CADPS: variants seen among roughly 807,000 people sequenced by gnomAD.
CADPS encodes the protein calcium-dependent secretion activator 1.
Under a neutral mutation model 167.3 loss-of-function variants are expected in CADPS, and 57 were observed. That is an observed-to-expected ratio of 0.34 (90% CI 0.28 to 0.42). CADPS has a LOEUF of 0.42. Among genes scored for constraint, CADPS ranks in the 20% least tolerant of loss-of-function variants. The pLI, the probability that CADPS is intolerant of heterozygous loss-of-function variation, is 1.00. For missense variants in CADPS, 1,414 were observed against 1,738.1 expected (o/e 0.81, Z 3.32); for synonymous variants, 676 against 635.3 (o/e 1.06, Z -0.96).
At chr3:62,784,103 G>A (rs1272729600) in intron 1 of CADPS, among the ~76,000 whole-genome samples, 1 of 152,132 alleles carries the variant, frequency 6.6e-6, no homozygotes, top group Non-Finnish European at 1.5e-5. Flanking sequence ...AATTAAGGAA[G>A]CTATCAAAGA....
intron 1 of CADPS, among the ~76,000 whole-genome samples, chr3:62,778,364 G>T (rs1323341413): frequency 1.3e-5 from 2 of 152,104 alleles, no homozygotes. Flanking sequence ...CTATTTTTTA[G>T]TAACTCCGCT....
chr3:62,766,622 A>T (rs2086946816), intron 1 of CADPS, among the ~76,000 whole-genome samples: 1 of 152,134 alleles, frequency 6.6e-6, no homozygotes, highest in African/African-American at 2.4e-5. Flanking sequence ...TGGGTACAGG[A>T]TATACTTCTG....
At chr3:62,727,285 C>A (rs535198941) in intron 3 of CADPS, among the ~76,000 whole-genome samples, 1 of 151,956 alleles carries the variant, frequency 6.6e-6, no homozygotes, top group African/African-American at 2.4e-5. Flanking sequence ...ACTACTGTTA[C>A]CTGCAACAAT....
At chr3:62,816,915 T>A (rs145592713) in intron 1 of CADPS, among the ~76,000 whole-genome samples, 1 of 152,264 alleles carries the variant, frequency 6.6e-6, no homozygotes, top group East Asian at 1.9e-4. Context: ...CTCCTCCTCC[T>A]CATCAAAATG....
chr3:62,715,385 T>C (rs1010469744), intron 3 of CADPS, among the ~76,000 whole-genome samples: 1 of 139,640 alleles, frequency 7.2e-6, no homozygotes, highest in Non-Finnish European at 1.5e-5. Flanking sequence ...TATCTATCTA[T>C]CTATCTATCT....
intron 1 of CADPS, among the ~76,000 whole-genome samples, chr3:62,780,067 G>GA (rs1553664441): frequency 6.6e-6 from 1 of 151,290 alleles, no homozygotes; most frequent in Non-Finnish European, 1.5e-5. Flanking sequence ...ATTTCATAGG[G>GA]TTTTTTTTTC....
intron 17 of CADPS, among the ~76,000 whole-genome samples, chr3:62,506,418 A>G (rs1479148836): frequency 3.9e-5 from 6 of 152,198 alleles, no homozygotes; most frequent in African/African-American, 1.2e-4. Flanking sequence ...ATTTAAGACA[A>G]TTAAAAATAA....
chr3:62,626,684 A>G, intron 6 of CADPS: 2 of 605,888 alleles, frequency 3.3e-6, no homozygotes, highest in Non-Finnish European at 5.9e-6. Context: ...TGCAGGGAAC[A>G]GAATCAATCT....
At chr3:62,634,251 T>C (rs568349047) in intron 6 of CADPS, among the ~76,000 whole-genome samples, 11 of 152,348 alleles carry the variant, frequency 7.2e-5, no homozygotes, top group Non-Finnish European at 1.5e-4. Flanking sequence ...TTTTTGAAGA[T>C]TTCTTGGCTC....
chr3:62,425,550 A>C (rs574847257), intron 28 of CADPS, among the ~76,000 whole-genome samples: 1 of 152,226 alleles, frequency 6.6e-6, no homozygotes, highest in Non-Finnish European at 1.5e-5. Context: ...AAAAAAGTAC[A>C]TATGTAGTTC....
chr3:62,615,852 C>T (rs1013875933), intron 6 of CADPS, among the ~76,000 whole-genome samples: 1 of 152,130 alleles, frequency 6.6e-6, no homozygotes, highest in Non-Finnish European at 1.5e-5. Context: ...ATGTTTTGAA[C>T]TCTCCTCTTA....
At chr3:62,730,201 C>CACATT (rs2077505727) in intron 3 of CADPS, among the ~76,000 whole-genome samples, 1 of 152,134 alleles carries the variant, frequency 6.6e-6, no homozygotes, top group Non-Finnish European at 1.5e-5. Context: ...TGACTGACGT[C>CACATT]ACATTCCTAC....
chr3:62,735,182 C>G (rs1361903456), intron 3 of CADPS, among the ~76,000 whole-genome samples: 1 of 151,886 alleles, frequency 6.6e-6, no homozygotes, highest in Non-Finnish European at 1.5e-5. Context: ...GAGCTACATG[C>G]ATAAATATAA....
chr3:62,521,929 G>A (rs1003743258), intron 13 of CADPS, among the ~76,000 whole-genome samples: 4 of 152,118 alleles, frequency 2.6e-5, no homozygotes, highest in Non-Finnish European at 4.4e-5. Context: ...CAGCTACCAG[G>A]ACACCCTCCT....
intron 6 of CADPS, among the ~76,000 whole-genome samples, chr3:62,628,448 T>G (rs2064547437): frequency 6.6e-6 from 1 of 152,136 alleles, no homozygotes; most frequent in African/African-American, 2.4e-5. Flanking sequence ...AGTAATATGC[T>G]TTGTACTGAT....
intron 5 of CADPS, among the ~76,000 whole-genome samples, chr3:62,648,925 A>G (rs955169508): frequency 1.3e-5 from 2 of 152,138 alleles, no homozygotes; most frequent in Non-Finnish European, 2.9e-5. Flanking sequence ...ATTTTTTCAC[A>G]CACTAAGTAC....
At chr3:62,410,920 C>A (rs924558364) in intron 28 of CADPS, among the ~76,000 whole-genome samples, 1 of 152,124 alleles carries the variant, frequency 6.6e-6, no homozygotes, top group Non-Finnish European at 1.5e-5. Context: ...GCCTGAGCAA[C>A]ACAGTGAGAC....
At chr3:62,454,739 G>C (rs978787433) in intron 26 of CADPS, among the ~76,000 whole-genome samples, 1 of 152,134 alleles carries the variant, frequency 6.6e-6, no homozygotes, top group South Asian at 2.1e-4. Flanking sequence ...AAGTGGGAGA[G>C]AGCCGAGGTT....
At chr3:62,741,605 G>T (rs1401710116) in intron 3 of CADPS, among the ~76,000 whole-genome samples, 2 of 152,054 alleles carry the variant, frequency 1.3e-5, no homozygotes, top group Non-Finnish European at 2.9e-5. Context: ...AATAAACTAG[G>T]TATTGAAGGA....
Sources: allele counts gnomAD v4.1 joint callset (sites outside exome capture counted in the v4.1 genomes callset), GRCh38; gene constraint gnomAD v4.1.1; transcripts MANE v1.5; gene names NCBI Gene and HGNC (gene_info 2026-07-23, HGNC 2026-07-21).